Variants in ZNRF2 observed in about 807,000 individuals in gnomAD.
ZNRF2 encodes E3 ubiquitin-protein ligase ZNRF2.
In ZNRF2, 16 loss-of-function variants were observed where a neutral mutation model predicts 20.4. The observed-to-expected ratio is 0.79, with a 90% CI of 0.53 to 1.19. The LOEUF (loss-of-function observed/expected upper bound fraction) is 1.19, where lower values mean the gene tolerates loss of function less well. ZNRF2 is among the 50% of genes most tolerant of loss of function. The probability of loss-of-function intolerance (pLI) is 0.00; values close to 1 mark genes in which losing one functional copy is unlikely to be tolerated. For synonymous variants in ZNRF2, 178 were observed against 144.9 expected (o/e 1.23, Z -1.64); for missense variants, 363 against 332.4 (o/e 1.09, Z -0.72).
chr7:30,297,084 C>A (rs556728901), intron 1 of ZNRF2, among the ~76,000 whole-genome samples: 2 of 152,108 alleles, frequency 1.3e-5, no homozygotes, highest in African/African-American at 4.8e-5. Context: ...CTTTTCTTTT[C>A]CTGTACAATT....
At chr7:30,311,617 GA>G (rs1187384469) in intron 1 of ZNRF2, among the ~76,000 whole-genome samples, 1 of 152,180 alleles carries the variant, frequency 6.6e-6, no homozygotes, top group African/African-American at 2.4e-5. Context: ...GTAGTTGTAG[GA>G]AACTTGGCTT....
chr7:30,307,345 T>G (rs1411243866), intron 1 of ZNRF2, among the ~76,000 whole-genome samples: 4 of 143,586 alleles, frequency 2.8e-5, no homozygotes, highest in African/African-American at 1.0e-4. Context: ...TTTTTTTTTT[T>G]TTTTTGGCTG....
intron 1 of ZNRF2, among the ~76,000 whole-genome samples, chr7:30,314,039 T>A (rs2128060808): frequency 6.6e-6 from 1 of 152,264 alleles, no homozygotes; most frequent in African/African-American, 2.4e-5. Context: ...GCTACCATAG[T>A]TTAAGTTGAC....
At chr7:30,357,092 A>G (rs1800052694) in intron 3 of ZNRF2, among the ~76,000 whole-genome samples, 1 of 152,206 alleles carries the variant, frequency 6.6e-6, no homozygotes, top group African/African-American at 2.4e-5. Context: ...TCATTGAGTC[A>G]AGCCACATAC....
intron 2 of ZNRF2, among the ~76,000 whole-genome samples, chr7:30,325,649 C>T (rs1433173515): frequency 6.6e-6 from 1 of 152,116 alleles, no homozygotes; most frequent in East Asian, 1.9e-4. Flanking sequence ...CTTCCCTTTC[C>T]TTCACTTTTT....
intron 4 of ZNRF2, among the ~76,000 whole-genome samples, chr7:30,364,902 C>T (rs1800184921): frequency 6.6e-6 from 1 of 152,060 alleles, no homozygotes; most frequent in Non-Finnish European, 1.5e-5. Flanking sequence ...AGGTTCCAGC[C>T]AGTAGATCTG....
chr7:30,293,249 T>G (rs550461063), intron 1 of ZNRF2, among the ~76,000 whole-genome samples: 1,647 of 126,780 alleles, frequency 0.013, 30 homozygotes, highest in African/African-American at 0.047. Flanking sequence ...AATTTTTACA[T>G]TTTTTTTTTT....
intron 3 of ZNRF2, among the ~76,000 whole-genome samples, chr7:30,361,692 G>A (rs1800129403): frequency 6.6e-6 from 1 of 152,130 alleles, no homozygotes; most frequent in Non-Finnish European, 1.5e-5. Flanking sequence ...CTTGAAATGT[G>A]GCTAGTGTGA....
In ZNRF2 at chr7:30,361,835, A is replaced by C. The variant is rs905281264; in HGVS notation, c.672-542A>C. Among the ~76,000 whole-genome samples the C allele has an allele frequency of 2.6e-4, 40 of 152,050 alleles. 1 individual carries two copies. The highest frequency in any genetic ancestry group is 3.2e-3 in the Middle Eastern group (1 of 316). On this transcript the variant is annotated intron_variant, in intron 3 of 4. Coordinates refer to ENST00000323037, the MANE Select transcript of ZNRF2 (RefSeq NM_147128.4). ...TGCACCCTAATATTTAGCTTCTAATAAAATAAGATCATAAAATACTTCCTA... is the reference window on the plus strand; with the variant it reads ...TGCACCCTAATATTTAGCTTCTAATCAAATAAGATCATAAAATACTTCCTA...
chr7:30,356,355 T>G (rs920660993), intron 3 of ZNRF2, among the ~76,000 whole-genome samples: 5 of 147,588 alleles, frequency 3.4e-5, no homozygotes, highest in Admixed American at 1.3e-4. Flanking sequence ...ATACAGTACT[T>G]AAGTTAAGAT....
Position 30,367,225 on chromosome 7 carries a change from T to C in ZNRF2, c.*1213T>C, listed in dbSNP as rs1202738685. 2 of 152,532 alleles carry C rather than the reference T, an allele frequency of 1.3e-5. No homozygotes were observed. The highest frequency in any genetic ancestry group is 2.9e-5 in the Non-Finnish European group (2 of 67,920). 9.4% of individuals were successfully genotyped at this position (152,532 alleles called of 1,614,324 possible). The stretch of plus-strand genomic sequence containing the variant: ...GTTATTACTGTAATTGAAAATGTTA[T>C]AGACACTTTTAAATTCAGTTTGTGT... On this transcript the variant is annotated 3_prime_UTR_variant, in exon 5 of 5. Transcript: ENST00000323037.
chr7:30,315,738 G>GGC (rs1378978228), intron 1 of ZNRF2, among the ~76,000 whole-genome samples: 1 of 91,752 alleles, frequency 1.1e-5, no homozygotes, highest in Non-Finnish European at 2.2e-5. Context: ...GGGGGGGGGG[G>GGC]GGTTGGGTAT....
At chr7:30,328,128 G>T (rs1386308429) in intron 2 of ZNRF2, among the ~76,000 whole-genome samples, 1 of 152,030 alleles carries the variant, frequency 6.6e-6, no homozygotes, top group East Asian at 1.9e-4. Context: ...ATGCCACCTG[G>T]TTTTAAAGTC....
intron 3 of ZNRF2, among the ~76,000 whole-genome samples, chr7:30,358,408 A>G (rs1168768592): frequency 1.3e-5 from 2 of 152,250 alleles, no homozygotes; most frequent in African/African-American, 4.8e-5. Flanking sequence ...TGAAAGATAT[A>G]GGTAATCTGA....
intron 2 of ZNRF2, among the ~76,000 whole-genome samples, chr7:30,330,902 A>G (rs1799627412): frequency 6.6e-6 from 1 of 152,136 alleles, no homozygotes. Flanking sequence ...GTCTCTGTTC[A>G]TTTATGTACA....
At chr7:30,340,079 G>T (rs1008369358) in intron 2 of ZNRF2, among the ~76,000 whole-genome samples, 7 of 152,160 alleles carry the variant, frequency 4.6e-5, no homozygotes, top group African/African-American at 1.7e-4. Flanking sequence ...GAAAGCTTGT[G>T]ATTTTTGCAC....
chr7:30,332,176 T>TA (rs370033891), intron 2 of ZNRF2, among the ~76,000 whole-genome samples: 3 of 152,056 alleles, frequency 2.0e-5, no homozygotes, highest in African/African-American at 7.2e-5. Flanking sequence ...TTCTCTCTTG[T>TA]AAAAAAATGA....
intron 2 of ZNRF2, 93 bp downstream of exon 2, chr7:30,323,830 G>GAC: frequency 2.3e-6 from 2 of 866,238 alleles, no homozygotes; most frequent in East Asian, 6.2e-5. Context: ...AGGAGGGAAG[G>GAC]ACATTGTTTT....
intron 1 of ZNRF2, among the ~76,000 whole-genome samples, chr7:30,297,896 G>A (rs1799043627): frequency 6.6e-6 from 1 of 151,660 alleles, no homozygotes; most frequent in African/African-American, 2.4e-5. Flanking sequence ...AGGTCTCGAG[G>A]CTCTGTCACC....
Sources: gnomAD v4.1 joint callset for allele counts (sites outside exome capture counted in the v4.1 genomes callset) on GRCh38, gnomAD v4.1.1 for gene constraint, MANE v1.5 for transcripts, NCBI Gene and HGNC (gene_info 2026-07-23, HGNC 2026-07-21) for gene names.